SMIM13: variants seen among roughly 807,000 people sequenced by gnomAD.
SMIM13 encodes UPF0766 protein C6orf228.
Under a neutral mutation model 5.9 loss-of-function variants are expected in SMIM13, and 3 were observed. That is an observed-to-expected ratio of 0.51 (90% CI 0.23 to 1.31). SMIM13 has a LOEUF of 1.31. Ranked by LOEUF, SMIM13 falls within the 40% of genes most tolerant of loss-of-function variation. The pLI is 0.18. For synonymous variants in SMIM13, 55 were observed against 46.0 expected (o/e 1.19, Z -0.79); for missense variants, 85 against 109.9 (o/e 0.77, Z 1.01).
chr6:11,094,397 G>C lies in SMIM13; in HGVS notation c.76+8G>C. ...TGCTGCTGATGGTGTGCGGTGAGTG[G>C]GGGCGGTAGCCGCGAGGCAGTTCCA... On this transcript the variant is annotated splice_region_variant and intron_variant, in intron 1 of 1. Transcript: ENST00000416247. The C allele has an allele frequency of 3.3e-6, 5 of 1,534,234 alleles. No individual in the cohort carries two copies. Among genetic ancestry groups the C allele is most frequent in the Non-Finnish European group, 4.4e-6 (5 of 1,142,054 alleles).
chr6:11,107,755 G>A (rs957697490), intron 1 of SMIM13, among the ~76,000 whole-genome samples: 5 of 152,188 alleles, frequency 3.3e-5, no homozygotes, highest in Non-Finnish European at 7.4e-5. Flanking sequence ...GGACTAGCCT[G>A]TATTTTTCAT....
chr6:11,120,820 A>G (rs943059031), intron 1 of SMIM13, among the ~76,000 whole-genome samples: 1 of 152,178 alleles, frequency 6.6e-6, no homozygotes, highest in Non-Finnish European at 1.5e-5. Flanking sequence ...TCTCATTCAG[A>G]TGGGTCGTGT....
intron 1 of SMIM13, among the ~76,000 whole-genome samples, chr6:11,099,141 A>T (rs1426846636): frequency 1.3e-5 from 2 of 151,548 alleles, no homozygotes; most frequent in African/African-American, 4.9e-5. Flanking sequence ...TGTTTCTCTA[A>T]CTCTTATGTC....
intron 1 of SMIM13, among the ~76,000 whole-genome samples, chr6:11,100,922 C>G (rs1300334879): frequency 6.6e-6 from 1 of 151,540 alleles, no homozygotes; most frequent in African/African-American, 2.4e-5. Context: ...TAATGATGTA[C>G]CTTTGTGTGT....
intron 1 of SMIM13, among the ~76,000 whole-genome samples, chr6:11,112,905 T>TAAAGCAATTCTCCTGCCTC (rs1758189009): frequency 6.6e-6 from 1 of 152,270 alleles, no homozygotes; most frequent in East Asian, 1.9e-4. Flanking sequence ...CCTCCTGGGT[T>TAAAGCAATTCTCCTGCCTC]CAAGCAATTC....
intron 1 of SMIM13, among the ~76,000 whole-genome samples, chr6:11,095,032 T>A (rs147598734): frequency 9.1e-4 from 139 of 152,352 alleles, no homozygotes; most frequent in African/African-American, 3.2e-3. Flanking sequence ...CTTCAAATAA[T>A]GGTAGCCCAA....
At chr6:11,107,784 A>G (rs945145760) in intron 1 of SMIM13, among the ~76,000 whole-genome samples, 16 of 152,176 alleles carry the variant, frequency 1.1e-4, no homozygotes, top group Admixed American at 1.0e-3. Context: ...TTAACAGGTA[A>G]GATGGGGTGT....
At chr6:11,110,272 A>G (rs1758148001) in intron 1 of SMIM13, among the ~76,000 whole-genome samples, 2 of 152,030 alleles carry the variant, frequency 1.3e-5, no homozygotes, top group South Asian at 2.1e-4. Flanking sequence ...TGCAGTGGTA[A>G]TCTGTTTTGT....
intron 1 of SMIM13, among the ~76,000 whole-genome samples, chr6:11,094,649 C>A (rs114301345): frequency 7.8e-4 from 119 of 152,316 alleles, no homozygotes; most frequent in African/African-American, 2.8e-3. Context: ...CCTTGCTTCA[C>A]CGGCAGCGTC....
At chr6:11,121,257 G>A (rs1262405117) in intron 1 of SMIM13, among the ~76,000 whole-genome samples, 3 of 152,250 alleles carry the variant, frequency 2.0e-5, no homozygotes, top group Middle Eastern at 3.4e-3. Context: ...ACTCTCTACT[G>A]TTTCTGTCTT....
chr6:11,119,831 C>T (rs1315071490), intron 1 of SMIM13, among the ~76,000 whole-genome samples: 1 of 152,092 alleles, frequency 6.6e-6, no homozygotes, highest in Non-Finnish European at 1.5e-5. Flanking sequence ...TTTGGAGGTA[C>T]TATGATTCAA....
intron 1 of SMIM13, among the ~76,000 whole-genome samples, chr6:11,120,964 C>G (rs925482284): frequency 2.0e-5 from 3 of 152,174 alleles, no homozygotes; most frequent in African/African-American, 7.2e-5. Context: ...TCTATCACAA[C>G]CCTTCTGCTG....
chr6:11,113,020 G>A (rs1314513074), intron 1 of SMIM13, among the ~76,000 whole-genome samples: 3 of 151,598 alleles, frequency 2.0e-5, no homozygotes, highest in African/African-American at 4.9e-5. Context: ...TAGTAGAGAC[G>A]GGGTTTCACC....
intron 1 of SMIM13, 150 bp from the exon 2 acceptor site, chr6:11,134,253 T>C: frequency 1.9e-6 from 1 of 516,126 alleles, no homozygotes; most frequent in Non-Finnish European, 3.3e-6. Context: ...TCATTCCTTG[T>C]ACAAAAAATG....
At chr6:11,098,382 A>G (rs1757951059) in intron 1 of SMIM13, among the ~76,000 whole-genome samples, 1 of 152,192 alleles carries the variant, frequency 6.6e-6, no homozygotes, top group Non-Finnish European at 1.5e-5. Flanking sequence ...TTAAATTGTC[A>G]TATTCATTCC....
At chr6:11,104,610 C>G (rs756242354) in intron 1 of SMIM13, 1 of 1,614,088 alleles carries the variant, frequency 6.2e-7, no homozygotes, top group Non-Finnish European at 8.5e-7. Flanking sequence ...AAGAGAATTT[C>G]GAGTTTGGTC....
chr6:11,130,246 G>T, intron 1 of SMIM13, among the ~76,000 whole-genome samples: 2 of 115,864 alleles, frequency 1.7e-5, no homozygotes, highest in East Asian at 2.5e-4. Context: ...CATTACAGTA[G>T]TCATTGTAAA....
chr6:11,135,019 A>G lies in SMIM13; in HGVS notation c.*417A>G, dbSNP rs1271319602. On this transcript the variant is annotated 3_prime_UTR_variant, in exon 2 of 2. Coordinates refer to ENST00000416247, the MANE Select transcript of SMIM13 (RefSeq NM_001135575.2). The stretch of plus-strand genomic sequence containing the variant: ...GTCATGTAACGCTCCTACCGTGTGC[A>G]TGTGTGAATTTACAGCTTGTCATCG... 4 of 153,128 alleles carry G rather than the reference A, an allele frequency of 2.6e-5. No homozygotes were observed. The highest frequency in any genetic ancestry group is 9.6e-5 in the African/African-American group (4 of 41,456). 9.5% of individuals were successfully genotyped at this position (153,128 alleles called of 1,614,324 possible). A position where few individuals can be genotyped will look rare whatever the true frequency, so the allele number is the denominator to read the frequency against.
At chr6:11,104,552 G>T (rs776050141) in intron 1 of SMIM13, 2 of 1,596,436 alleles carry the variant, frequency 1.3e-6, no homozygotes, top group Non-Finnish European at 1.7e-6. Context: ...AGACTTGGAC[G>T]CAGGGTGTTT....
Sources: allele counts gnomAD v4.1 joint callset (sites outside exome capture counted in the v4.1 genomes callset), GRCh38; gene constraint gnomAD v4.1.1; transcripts MANE v1.5; gene names NCBI Gene and HGNC (gene_info 2026-07-23, HGNC 2026-07-21).